The following PIK3R1 variants were observed in gnomAD, a reference collection of about 807,000 sequenced individuals.
The protein encoded by PIK3R1 is phosphatidylinositol 3-kinase regulatory subunit alpha.
Under a neutral mutation model 98.0 loss-of-function variants are expected in PIK3R1, and 29 were observed. The observed-to-expected ratio is 0.30, with a 90% confidence interval of 0.22 to 0.40. The LOEUF (loss-of-function observed/expected upper bound fraction) is 0.40, where lower values mean the gene tolerates loss of function less well. PIK3R1 is among the 10% of genes least tolerant of loss of function. The pLI, the probability that PIK3R1 is intolerant of heterozygous loss-of-function variation, is 1.00. For missense variants in PIK3R1, 596 were observed against 872.7 expected, an observed-to-expected ratio of 0.68 and a Z score of 3.99; for synonymous variants, 282 against 311.8, an observed-to-expected ratio of 0.90 and a Z score of 1.01.
intron 2 of PIK3R1, among the ~76,000 whole-genome samples, chr5:68,232,276 G>T (rs140338098): frequency 0.016 from 2,423 of 152,192 alleles, 63 homozygotes; most frequent in African/African-American, 0.056. Context: ...CATTTTTTCT[G>T]TTAACTTTGT....
rs762350862 is a variant in PIK3R1, at chr5:68,293,128, T to C, written c.1047T>C (p.Asp349=). Residue 349 remains aspartate, a synonymous_variant, in exon 9 of 16, where the codon GAT becomes GAC. Transcript: ENST00000521381. The part of the protein sequence containing the change: ...SREEVNEKLR[D]TADGTFLVRD... ...AAGAAGTGAATGAAAAACTTCGAGATACAGCAGACGGGACCTTTTTGGTAC... is the reference window on the plus strand; with the variant it reads ...AAGAAGTGAATGAAAAACTTCGAGACACAGCAGACGGGACCTTTTTGGTAC... 1 of 1,613,834 alleles carries C rather than the reference T, an allele frequency of 6.2e-7. No individual in the cohort carries two copies. The highest frequency in any genetic ancestry group is 1.1e-5 in the South Asian group (1 of 91,054).
chr5:68,243,399 C>T (rs1165357380), intron 2 of PIK3R1, among the ~76,000 whole-genome samples: 3 of 152,168 alleles, frequency 2.0e-5, no homozygotes, highest in Non-Finnish European at 4.4e-5. Flanking sequence ...TGAACTCTAA[C>T]TAGATGAGAG....
At chr5:68,264,726 C>T (rs1056979756) in intron 2 of PIK3R1, among the ~76,000 whole-genome samples, 3 of 152,180 alleles carry the variant, frequency 2.0e-5, no homozygotes, top group Non-Finnish European at 4.4e-5. Context: ...GTAGGAAAGG[C>T]TCTGGCATGG....
chr5:68,272,737 G>A (rs1310936852), intron 2 of PIK3R1, among the ~76,000 whole-genome samples: 1 of 152,142 alleles, frequency 6.6e-6, no homozygotes, highest in Non-Finnish European at 1.5e-5. Flanking sequence ...CTTTGACAAA[G>A]TTATACAGAA....
intron 1 of PIK3R1, among the ~76,000 whole-genome samples, chr5:68,217,978 C>A (rs922100259): frequency 1.3e-5 from 2 of 152,140 alleles, no homozygotes; most frequent in African/African-American, 4.8e-5. Context: ...GTACACACTG[C>A]TATTTGATGT....
At position 68,300,184 on chromosome 5, in the gene PIK3R1, A is replaced by ATAAG. The variant is rs1350217192; in HGVS notation, c.*2585_*2588dup. 4.3e-6 allele frequency: 1 copy of ATAAG among 233,148 alleles called. No homozygotes were observed. Among genetic ancestry groups the ATAAG allele is most frequent in the Admixed American group, 5.6e-5 (1 of 17,786 alleles). The allele number at this position is 233,148 out of a possible 1,614,324, so 14.4% of individuals were successfully genotyped here. A position where few individuals can be genotyped will look rare whatever the true frequency, so the allele number is the denominator to read the frequency against. ...TGCCTTATTTTTGCATCTCACAAACATAAGTGCAATAGATCTTTTCATTGA... is the reference window on the plus strand; with the variant it reads ...TGCCTTATTTTTGCATCTCACAAACATAAGTAAGTGCAATAGATCTTTTCATTGA... On this transcript the variant is annotated 3_prime_UTR_variant, in exon 16 of 16. Coordinates refer to ENST00000521381, the MANE Select transcript of PIK3R1 (RefSeq NM_181523.3).
chr5:68,284,068 C>A (rs72757692), intron 7 of PIK3R1, among the ~76,000 whole-genome samples: 12,625 of 152,266 alleles, frequency 0.083, 687 homozygotes, highest in Non-Finnish European at 0.12. Flanking sequence ...GGATTGGAAT[C>A]TCAACTCTCT....
intron 2 of PIK3R1, among the ~76,000 whole-genome samples, chr5:68,263,018 GATACATGTAGATACATGTATACATAT>G: frequency 1.7e-5 from 1 of 58,004 alleles, no homozygotes; most frequent in African/African-American, 6.0e-5. Flanking sequence ...TATACATGTA[GATACATGTAGATACATGTATACATAT>G]ATACATGTAG....
intron 2 of PIK3R1, among the ~76,000 whole-genome samples, chr5:68,258,255 T>C (rs780330383): frequency 6.6e-5 from 10 of 152,198 alleles, no homozygotes; most frequent in Non-Finnish European, 1.5e-4. Flanking sequence ...CACTTTATAT[T>C]ATAACCAACA....
chr5:68,291,154 T>C, intron 7 of PIK3R1: 1 of 240,016 alleles, frequency 4.2e-6, no homozygotes, highest in South Asian at 7.5e-5. Context: ...GTAATTAAAA[T>C]GATGCATCTT....
intron 2 of PIK3R1, 92 bp from the exon 3 acceptor site, chr5:68,273,298 A>G: frequency 8.4e-7 from 1 of 1,183,932 alleles, no homozygotes; most frequent in Non-Finnish European, 1.3e-6. Flanking sequence ...CTCGGGCCTG[A>G]TGTAATTAAA....
At chr5:68,223,267 TG>T (rs1204760540) in intron 1 of PIK3R1, among the ~76,000 whole-genome samples, 3 of 152,060 alleles carry the variant, frequency 2.0e-5, no homozygotes, top group Admixed American at 1.3e-4. Flanking sequence ...AAGTGTACAA[TG>T]TGCAAAAGAG....
chr5:68,288,201 A>G (rs1384407566), intron 7 of PIK3R1, among the ~76,000 whole-genome samples: 1 of 152,148 alleles, frequency 6.6e-6, no homozygotes, highest in African/African-American at 2.4e-5. Context: ...AGACTATTTT[A>G]GGTCCCCTCA....
intron 4 of PIK3R1, among the ~76,000 whole-genome samples, chr5:68,278,830 C>G (rs1164925207): frequency 1.3e-5 from 2 of 152,116 alleles, no homozygotes; most frequent in Non-Finnish European, 2.9e-5. Flanking sequence ...ATCCCACCTA[C>G]TCAGGAGGCT....
At chr5:68,273,726 TATG>T (rs1746457336) in intron 3 of PIK3R1, 2 of 593,692 alleles carry the variant, frequency 3.4e-6, no homozygotes, top group Non-Finnish European at 6.0e-6. Flanking sequence ...ATTTAATAAA[TATG>T]ATTAACTTTC....
intron 3 of PIK3R1, 27 bp from the exon 4 acceptor site, chr5:68,273,912 T>TGGTC: frequency 1.9e-6 from 3 of 1,582,192 alleles, no homozygotes; most frequent in Non-Finnish European, 2.6e-6. Context: ...TTTGCATACA[T>TGGTC]GGTCTGTGGT....
chr5:68,294,257 A>T (rs1747563473), intron 11 of PIK3R1, among the ~76,000 whole-genome samples: 1 of 152,224 alleles, frequency 6.6e-6, no homozygotes, highest in African/African-American at 2.4e-5. Flanking sequence ...TCACTCATGT[A>T]TCTGGGAATG....
chr5:68,230,085 T>C (rs902478682), intron 2 of PIK3R1, among the ~76,000 whole-genome samples: 1 of 152,214 alleles, frequency 6.6e-6, no homozygotes, highest in Non-Finnish European at 1.5e-5. Context: ...CCTTTGGAGC[T>C]GTGCTTTTTC....
chr5:68,272,049 G>A (rs572043793), intron 2 of PIK3R1, among the ~76,000 whole-genome samples: 2 of 151,916 alleles, frequency 1.3e-5, no homozygotes, highest in Admixed American at 6.6e-5. Flanking sequence ...CCATGAGTTC[G>A]AGACCAGCCT....
Sources: gnomAD v4.1 joint callset for allele counts (sites outside exome capture counted in the v4.1 genomes callset) on GRCh38, gnomAD v4.1.1 for gene constraint, MANE v1.5 for transcripts, NCBI Gene and HGNC (gene_info 2026-07-23, HGNC 2026-07-21) for gene names.